The following PEAK1 variants were observed in gnomAD, a reference collection of about 807,000 sequenced individuals.
PEAK1 encodes the protein pseudopodium enriched atypical kinase 1, also known as inactive tyrosine-protein kinase PEAK1.
In PEAK1, 54 loss-of-function variants were observed where a neutral mutation model predicts 124.7. The observed-to-expected ratio is 0.43, with a 90% CI of 0.35 to 0.54. The LOEUF is 0.54. Among genes scored for constraint, PEAK1 ranks in the 20% least tolerant of loss-of-function variants. PEAK1 has a pLI of 0.01. For synonymous variants in PEAK1, 719 were observed against 760.0 expected (o/e 0.95, Z 0.89); for missense variants, 2,046 against 2,134.5 (o/e 0.96, Z 0.82).
chr15:77,106,766 C>G (rs936250823), downstream of PEAK1: 2 of 152,166 alleles, frequency 1.3e-5, no homozygotes, highest in Non-Finnish European at 2.9e-5. Flanking sequence ...GGGGTGATTA[C>G]CCTTAATCTT....
intron 5 of PEAK1, among the ~76,000 whole-genome samples, chr15:77,283,539 A>C (rs997163129): frequency 2.6e-5 from 4 of 152,188 alleles, no homozygotes; most frequent in Non-Finnish European, 1.5e-5. Context: ...AAATACTAAA[A>C]AGTTACACAG....
At chr15:77,254,467 C>T (rs560724824) in intron 5 of PEAK1, among the ~76,000 whole-genome samples, 1 of 152,216 alleles carries the variant, frequency 6.6e-6, no homozygotes, top group East Asian at 1.9e-4. Flanking sequence ...GGGTCTCACT[C>T]TGTCATCCAG....
At chr15:77,209,026 G>A (rs1225296357) in intron 6 of PEAK1, among the ~76,000 whole-genome samples, 1 of 152,120 alleles carries the variant, frequency 6.6e-6, no homozygotes, top group African/African-American at 2.4e-5. Flanking sequence ...GGGAAGATTT[G>A]TCTACAGACT....
chr15:77,376,733 A>G (rs1384677930), intron 1 of PEAK1, among the ~76,000 whole-genome samples: 2 of 152,240 alleles, frequency 1.3e-5, no homozygotes. Context: ...TAGTGCAAAT[A>G]TAATTCTCAT....
At chr15:77,356,424 T>C (rs1054613483) in intron 2 of PEAK1, among the ~76,000 whole-genome samples, 2 of 152,166 alleles carry the variant, frequency 1.3e-5, no homozygotes, top group South Asian at 2.1e-4. Context: ...GAGAATAAAA[T>C]TGCATAAGCC....
At chr15:77,136,151 T>C (rs1255266051) in intron 8 of PEAK1, among the ~76,000 whole-genome samples, 4 of 152,126 alleles carry the variant, frequency 2.6e-5, no homozygotes, top group Admixed American at 6.5e-5. Context: ...CAGATGGAGA[T>C]AAGGAACTCG....
At chr15:77,161,652 AG>A (rs537496470) in intron 7 of PEAK1, among the ~76,000 whole-genome samples, 1 of 152,214 alleles carries the variant, frequency 6.6e-6, no homozygotes, top group Non-Finnish European at 1.5e-5. Flanking sequence ...TAATGCTTAA[AG>A]GAAGAATAGC....
At chr15:77,152,646 A>C (rs1378739730) in intron 8 of PEAK1, among the ~76,000 whole-genome samples, 1 of 152,148 alleles carries the variant, frequency 6.6e-6, no homozygotes, top group East Asian at 1.9e-4. Context: ...AGCTCTTATT[A>C]TTTTGAGATT....
chr15:77,337,820 G>A lies in PEAK1; in HGVS notation c.-603+27343C>T, dbSNP rs569159336. On this transcript the variant is annotated intron_variant, in intron 2 of 9. Coordinates refer to ENST00000682557, the MANE Select transcript of PEAK1 (RefSeq NM_001385026.1). ...ACAGAATGGAAAACGCTACTTTAGC[G>A]TTTCATGCAATAGAGCTAAGAAGAG... 60 of 985,080 alleles carry A rather than the reference G, an allele frequency of 6.1e-5. No individual in the cohort carries two copies. In the Admixed American group the frequency reaches 6.2e-4, roughly 10 times the overall value. 61.0% of individuals were successfully genotyped at this position (985,080 alleles called of 1,614,324 possible). A position where few individuals can be genotyped will look rare whatever the true frequency, so the allele number is the denominator to read the frequency against.
rs118184567 is a variant in PEAK1 at position 77,364,140 on chromosome 15, G to A, written c.-603+1023C>T. On this transcript the variant is annotated intron_variant, in intron 2 of 9. Transcript: ENST00000682557. The stretch of plus-strand genomic sequence containing the variant: ...CTTGAACTCGGGAGGCAGAGGTTGC[G>A]GTGAACCAAGATGTTGCCACCGCAC... 3.5e-3 allele frequency among the ~76,000 whole-genome samples: 536 copies of A among 152,186 alleles called. 3 individuals carry two copies. The highest frequency in any genetic ancestry group is 0.018 in the East Asian group (95 of 5,164).
In PEAK1 at chr15:77,397,069, C is replaced by T. The variant is rs544269904; in HGVS notation, c.-666+22937G>A. Among the ~76,000 whole-genome samples, 4 of 152,192 alleles carry T rather than the reference C, an allele frequency of 2.6e-5. No homozygotes were observed. In the South Asian group the frequency reaches 8.3e-4, roughly 32 times the overall value. On this transcript the variant is annotated intron_variant, in intron 1 of 9. Coordinates refer to ENST00000682557, the MANE Select transcript of PEAK1 (RefSeq NM_001385026.1). ...TAGGTCATATGTTAGGCCACAAAAC[C>T]ATTCTTTAAAACTCAAAAAAAATGA...
At chr15:77,350,032 T>C (rs1276956149) in intron 2 of PEAK1, 5 of 985,020 alleles carry the variant, frequency 5.1e-6, no homozygotes, top group Non-Finnish European at 6.0e-6. Context: ...AACAGCAATG[T>C]AGGAAGTCAG....
At chr15:77,389,700 G>A (rs2070288913) in intron 1 of PEAK1, among the ~76,000 whole-genome samples, 1 of 152,066 alleles carries the variant, frequency 6.6e-6, no homozygotes, top group Admixed American at 6.5e-5. Flanking sequence ...AGGTGTGCAT[G>A]TAATAGAAAT....
At chr15:77,352,844 T>C in intron 2 of PEAK1, 4 of 985,392 alleles carry the variant, frequency 4.1e-6, no homozygotes, top group Non-Finnish European at 4.8e-6. Context: ...TCATAACAGC[T>C]TTGTTAAAAA....
chr15:77,141,951 TA>T (rs1449832099), intron 8 of PEAK1, among the ~76,000 whole-genome samples: 2 of 152,166 alleles, frequency 1.3e-5, no homozygotes. Context: ...TTAGATATGA[TA>T]CCTAAAGTAT....
intron 6 of PEAK1, among the ~76,000 whole-genome samples, chr15:77,186,197 A>T (rs2057537829): frequency 1.3e-5 from 2 of 152,346 alleles, no homozygotes; most frequent in South Asian, 4.1e-4. Flanking sequence ...ACTTAGCACT[A>T]TGCAGCACTG....
At chr15:77,355,998 A>T (rs1230805105) in intron 2 of PEAK1, 1 of 935,584 alleles carries the variant, frequency 1.1e-6, no homozygotes, top group African/African-American at 1.8e-5. Flanking sequence ...GAGAAAAAGA[A>T]CTACTAAAGT....
chr15:77,121,361 C>T (rs994143856), intron 9 of PEAK1, among the ~76,000 whole-genome samples: 1 of 152,172 alleles, frequency 6.6e-6, no homozygotes, highest in Non-Finnish European at 1.5e-5. Flanking sequence ...AGCATCTGAT[C>T]CAGTGCTGCC....
rs956801748 is a variant in PEAK1, at chr15:77,108,326, G to A, written c.*5830C>T. The A allele has an allele frequency of 2.6e-5, 4 of 152,296 alleles. No individual in the cohort carries two copies. The highest frequency in any genetic ancestry group is 2.1e-4 in the South Asian group (1 of 4,826). 9.4% of individuals were successfully genotyped at this position (152,296 alleles called of 1,614,324 possible). The stretch of plus-strand genomic sequence containing the variant: ...TATGTAAGTAGAGGGGTGAAGCTCC[G>A]GAAAGAGCAAAAACAAGATTTTCAA... On this transcript the variant is annotated 3_prime_UTR_variant, in exon 10 of 10. Coordinates refer to ENST00000682557, the MANE Select transcript of PEAK1 (RefSeq NM_001385026.1).
Sources: gnomAD v4.1 joint callset for allele counts (sites outside exome capture counted in the v4.1 genomes callset) on GRCh38, gnomAD v4.1.1 for gene constraint, MANE v1.5 for transcripts, NCBI Gene and HGNC (gene_info 2026-07-23, HGNC 2026-07-21) for gene names.